LTBP1: variants seen among roughly 807,000 people sequenced by gnomAD.
LTBP1 encodes the protein latent transforming growth factor beta binding protein 1, also known as latent-transforming growth factor beta-binding protein 1.
In LTBP1, 129 loss-of-function variants were observed where a neutral mutation model predicts 207.6. The observed-to-expected ratio is 0.62, with a 90% CI of 0.54 to 0.72. The LOEUF is 0.72. LTBP1 is among the 30% of genes least tolerant of loss of function. The probability of loss-of-function intolerance (pLI) is 0.00; values close to 1 mark genes in which losing one functional copy is unlikely to be tolerated. For missense variants in LTBP1, 2,281 were observed against 2,217.2 expected, an observed-to-expected ratio of 1.03 and a Z score of -0.58; for synonymous variants, 963 against 833.7, an observed-to-expected ratio of 1.16 and a Z score of -2.67.
intron 24 of LTBP1, among the ~76,000 whole-genome samples, chr2:33,342,516 T>C (rs1454365112): frequency 6.6e-6 from 1 of 152,114 alleles, no homozygotes; most frequent in African/African-American, 2.4e-5. Context: ...GAATATAAGG[T>C]CCCTTGGAAA....
At chr2:33,091,613 G>A (rs1291781883) in intron 3 of LTBP1, among the ~76,000 whole-genome samples, 1 of 152,146 alleles carries the variant, frequency 6.6e-6, no homozygotes, top group East Asian at 1.9e-4. Context: ...ACTTCTAGGT[G>A]GAAATTAAGC....
intron 3 of LTBP1, among the ~76,000 whole-genome samples, chr2:33,068,372 T>C (rs2077622649): frequency 6.6e-6 from 1 of 152,154 alleles, no homozygotes. Context: ...GTGCACAGCT[T>C]CTTCCATTAT....
intron 4 of LTBP1, among the ~76,000 whole-genome samples, chr2:33,129,159 A>G (rs765527125): frequency 6.6e-6 from 1 of 152,236 alleles, no homozygotes; most frequent in Non-Finnish European, 1.5e-5. Flanking sequence ...GTGGAGAACG[A>G]GCAAAAACAA....
intron 3 of LTBP1, among the ~76,000 whole-genome samples, chr2:33,072,776 C>A (rs1433951788): frequency 1.3e-5 from 2 of 152,124 alleles, no homozygotes; most frequent in African/African-American, 4.8e-5. Context: ...CTCTCAGAAA[C>A]ATTGCTGGTT....
At chr2:33,318,176 G>T (rs750872740) in intron 24 of LTBP1, among the ~76,000 whole-genome samples, 2 of 152,106 alleles carry the variant, frequency 1.3e-5, no homozygotes, top group Non-Finnish European at 2.9e-5. Context: ...AATACTTCTA[G>T]CCCTAAGCAT....
At chr2:33,334,660 C>G (rs892131251) in intron 24 of LTBP1, among the ~76,000 whole-genome samples, 3 of 152,066 alleles carry the variant, frequency 2.0e-5, no homozygotes, top group African/African-American at 7.2e-5. Flanking sequence ...AACAGGATAT[C>G]TTTAACTGTA....
At chr2:33,097,868 G>T (rs1303283421) in intron 3 of LTBP1, among the ~76,000 whole-genome samples, 1 of 152,084 alleles carries the variant, frequency 6.6e-6, no homozygotes, top group Non-Finnish European at 1.5e-5. Context: ...TTCTGTTAAT[G>T]AATATTTAGT....
At chr2:33,386,187 A>G (rs1218165549) in intron 31 of LTBP1, among the ~76,000 whole-genome samples, 1 of 152,222 alleles carries the variant, frequency 6.6e-6, no homozygotes, top group Non-Finnish European at 1.5e-5. Flanking sequence ...AAATTCTGCA[A>G]CATAATTCCT....
At chr2:33,312,453 G>A (rs1193325685) in intron 23 of LTBP1, among the ~76,000 whole-genome samples, 1 of 152,118 alleles carries the variant, frequency 6.6e-6, no homozygotes, top group Non-Finnish European at 1.5e-5. Flanking sequence ...GGATACATTT[G>A]AGATTCAGAA....
Position 33,104,164 on chromosome 2 carries a change from C to T in LTBP1, c.864-6418C>T, listed in dbSNP as rs751278454. ...TATGGAAAAGTTTAGTCTGTCTGTG[C>T]GCCAAAAATTGCCACTAGGAAGGCA... On this transcript the variant is annotated intron_variant, in intron 3 of 33. Coordinates refer to ENST00000404816, the MANE Select transcript of LTBP1 (RefSeq NM_206943.4). 6.6e-5 allele frequency among the ~76,000 whole-genome samples: 10 copies of T among 152,094 alleles called. No individual in the cohort carries two copies. The South Asian group carries it at 8.3e-4, about 13-fold the overall frequency.
At chr2:33,248,806 C>G (rs1381885013) in intron 10 of LTBP1, among the ~76,000 whole-genome samples, 1 of 152,036 alleles carries the variant, frequency 6.6e-6, no homozygotes, top group Non-Finnish European at 1.5e-5. Flanking sequence ...AGGCTGGTCT[C>G]GAACTCCTAA....
chr2:33,131,875 T>C (rs1254145776), intron 4 of LTBP1, among the ~76,000 whole-genome samples: 1 of 152,202 alleles, frequency 6.6e-6, no homozygotes, highest in African/African-American at 2.4e-5. Context: ...AAGAAGTTTT[T>C]AATAACAATA....
chr2:33,107,742 T>C (rs1378865324), intron 3 of LTBP1, among the ~76,000 whole-genome samples: 2 of 152,244 alleles, frequency 1.3e-5, no homozygotes, highest in African/African-American at 4.8e-5. Context: ...TTTAAGGGTA[T>C]CTTTGGAGGA....
At chr2:32,994,469 C>CTT (rs1045137913) in intron 2 of LTBP1, among the ~76,000 whole-genome samples, 4 of 143,426 alleles carry the variant, frequency 2.8e-5, no homozygotes, top group African/African-American at 7.6e-5. Flanking sequence ...ATTAGTGAGT[C>CTT]TTTTTTTTTT....
At chr2:32,948,523 C>G (rs1676619631) in intron 1 of LTBP1, among the ~76,000 whole-genome samples, 1 of 152,136 alleles carries the variant, frequency 6.6e-6, no homozygotes, top group Non-Finnish European at 1.5e-5. Context: ...ACAGTTCTCT[C>G]TGAAACTCAT....
intron 2 of LTBP1, among the ~76,000 whole-genome samples, chr2:33,014,844 A>G (rs1009075966): frequency 2.0e-5 from 3 of 152,158 alleles, no homozygotes; most frequent in Middle Eastern, 3.2e-3. Flanking sequence ...GACTGTTTCA[A>G]ATGATGAAAG....
intron 9 of LTBP1, among the ~76,000 whole-genome samples, chr2:33,229,527 GTACAA>G (rs1445645740): frequency 1.3e-5 from 2 of 152,088 alleles, no homozygotes; most frequent in Non-Finnish European, 2.9e-5. Context: ...AGAGAAAGTT[GTACAA>G]TACATTTCTT....
chr2:33,305,462 C>T (rs537229684), intron 22 of LTBP1, among the ~76,000 whole-genome samples: 12 of 152,164 alleles, frequency 7.9e-5, no homozygotes, highest in South Asian at 4.2e-4. Flanking sequence ...GTAGAGGCCT[C>T]GCTGGGATGA....
chr2:33,046,448 C>A (rs6706222), intron 3 of LTBP1, among the ~76,000 whole-genome samples: 14,311 of 152,138 alleles, frequency 0.094, 904 homozygotes, highest in Non-Finnish European at 0.14. Context: ...CCAGCCTTGC[C>A]TCCCGGGGAT....
Sources: gnomAD v4.1 joint callset for allele counts (sites outside exome capture counted in the v4.1 genomes callset) on GRCh38, gnomAD v4.1.1 for gene constraint, MANE v1.5 for transcripts, NCBI Gene and HGNC (gene_info 2026-07-23, HGNC 2026-07-21) for gene names.